Variants in ALG14 observed in about 807,000 individuals in gnomAD.
The protein encoded by ALG14 is UDP-N-acetylglucosamine transferase subunit ALG14.
In ALG14, 17 loss-of-function variants were observed where a neutral mutation model predicts 22.8. The observed-to-expected ratio is 0.75, with a 90% CI of 0.51 to 1.12. The LOEUF (loss-of-function observed/expected upper bound fraction) is 1.12, where lower values mean the gene tolerates loss of function less well. ALG14 is among the 50% of genes most tolerant of loss of function. The pLI is 0.00. For synonymous variants in ALG14, 89 were observed against 103.7 expected (o/e 0.86, Z 0.86); for missense variants, 288 against 271.8 (o/e 1.06, Z -0.42).
intron 2 of ALG14, among the ~76,000 whole-genome samples, chr1:95,040,590 G>A (rs1194965315): frequency 6.6e-6 from 1 of 152,136 alleles, no homozygotes; most frequent in East Asian, 1.9e-4. Flanking sequence ...GGATCTAACA[G>A]CCTCCATTTG....
At chr1:95,064,522 G>A (rs1054286317) in intron 2 of ALG14, among the ~76,000 whole-genome samples, 11 of 152,124 alleles carry the variant, frequency 7.2e-5, no homozygotes, top group African/African-American at 2.7e-4. Flanking sequence ...GGCCTTTTCT[G>A]TGTCTATTGA....
chr1:95,046,584 G>A (rs1402700849), intron 2 of ALG14, among the ~76,000 whole-genome samples: 1 of 152,158 alleles, frequency 6.6e-6, no homozygotes, highest in Non-Finnish European at 1.5e-5. Context: ...AGTGGGCAAG[G>A]GTTGACAAGC....
At chr1:94,995,580 G>T (rs1672889933) in intron 3 of ALG14, among the ~76,000 whole-genome samples, 1 of 152,208 alleles carries the variant, frequency 6.6e-6, no homozygotes, top group Non-Finnish European at 1.5e-5. Flanking sequence ...GAGCGTGGTG[G>T]CACGTGCCTG....
At chr1:95,052,395 G>A (rs1674777525) in intron 2 of ALG14, among the ~76,000 whole-genome samples, 1 of 152,144 alleles carries the variant, frequency 6.6e-6, no homozygotes, top group African/African-American at 2.4e-5. Context: ...ACAATAATAT[G>A]TAAGAGGAGA....
chr1:94,993,296 T>G (rs1672823014), intron 3 of ALG14, among the ~76,000 whole-genome samples: 1 of 146,312 alleles, frequency 6.8e-6, no homozygotes, highest in African/African-American at 2.5e-5. Context: ...TATTTATATA[T>G]ATCAGGCTCC....
intron 1 of ALG14, among the ~76,000 whole-genome samples, chr1:95,068,362 C>T (rs551889559): frequency 3.9e-5 from 6 of 152,272 alleles, no homozygotes; most frequent in South Asian, 4.2e-4. Context: ...TCTCGGCTCA[C>T]GGCAACCTCT....
At chr1:95,024,138 G>A (rs1242220666) in intron 3 of ALG14, among the ~76,000 whole-genome samples, 3 of 152,050 alleles carry the variant, frequency 2.0e-5, no homozygotes, top group Non-Finnish European at 4.4e-5. Flanking sequence ...CATTCGATCC[G>A]GCTAATTTTT....
At chr1:95,069,278 C>T (rs1040874273) in intron 1 of ALG14, among the ~76,000 whole-genome samples, 1 of 152,158 alleles carries the variant, frequency 6.6e-6, no homozygotes, top group East Asian at 1.9e-4. Flanking sequence ...GATTTAGAGG[C>T]AAGCCTGGGT....
intron 2 of ALG14, among the ~76,000 whole-genome samples, chr1:95,050,179 A>C (rs1295749688): frequency 1.3e-5 from 2 of 152,234 alleles, no homozygotes; most frequent in Non-Finnish European, 2.9e-5. Flanking sequence ...ATCTTCTGCC[A>C]AAGCACAAAG....
intron 2 of ALG14, among the ~76,000 whole-genome samples, chr1:95,046,941 T>C (rs1448616131): frequency 1.3e-5 from 2 of 151,996 alleles, no homozygotes; most frequent in African/African-American, 2.4e-5. Flanking sequence ...CACTCCAGCC[T>C]GGGCGACAGA....
chr1:95,056,530 A>G (rs1241961466), intron 2 of ALG14, among the ~76,000 whole-genome samples: 1 of 152,056 alleles, frequency 6.6e-6, no homozygotes, highest in Non-Finnish European at 1.5e-5. Flanking sequence ...CCATAGTCCC[A>G]GTGACTTGGA....
Position 95,013,341 on chromosome 1 carries a change from A to T in ALG14, c.420+13788T>A, listed in dbSNP as rs568001106. On this transcript the variant is annotated intron_variant, in intron 3 of 3. Transcript: ENST00000370205. ...TTCCTGCTCTTGTTTTGATTTATTT[A>T]TTTTTTTTTTTTGAGACAAGAGTCT... 3.5e-3 allele frequency among the ~76,000 whole-genome samples: 508 copies of T among 147,202 alleles called. 1 individual carries two copies. The highest frequency in any genetic ancestry group is 0.012 in the African/African-American group (472 of 40,564).
At chr1:95,022,458 T>A (rs1673691609) in intron 3 of ALG14, 1 of 746,668 alleles carries the variant, frequency 1.3e-6, no homozygotes, top group East Asian at 1.3e-4. Context: ...CTGACCATCA[T>A]CAGACTTGCT....
intron 2 of ALG14, among the ~76,000 whole-genome samples, chr1:95,043,572 C>T (rs1264102200): frequency 1.3e-5 from 2 of 152,132 alleles, no homozygotes; most frequent in Non-Finnish European, 2.9e-5. Flanking sequence ...TGCAGGTCAG[C>T]GGCTAAATGA....
intron 2 of ALG14, among the ~76,000 whole-genome samples, chr1:95,042,768 T>C (rs1342929762): frequency 1.3e-5 from 2 of 152,248 alleles, no homozygotes; most frequent in African/African-American, 2.4e-5. Context: ...GTGACTACAC[T>C]TTCACTGGAC....
At chr1:95,066,272 G>A (rs1346310062) in intron 1 of ALG14, among the ~76,000 whole-genome samples, 1 of 152,086 alleles carries the variant, frequency 6.6e-6, no homozygotes, top group Non-Finnish European at 1.5e-5. Context: ...TGCCCAGGCT[G>A]GAATACAATT....
intron 3 of ALG14, among the ~76,000 whole-genome samples, chr1:95,005,475 T>A (rs1673191651): frequency 6.6e-6 from 1 of 152,188 alleles, no homozygotes; most frequent in Admixed American, 6.5e-5. Context: ...GCTGGATTTG[T>A]ATAATGTTAT....
At chr1:95,059,837 A>G (rs1251974783) in intron 2 of ALG14, among the ~76,000 whole-genome samples, 2 of 152,042 alleles carry the variant, frequency 1.3e-5, no homozygotes, top group African/African-American at 2.4e-5. Context: ...ACACGTAGCC[A>G]CATATGGCTA....
intron 2 of ALG14, among the ~76,000 whole-genome samples, chr1:95,046,508 C>T (rs763748853): frequency 2.0e-5 from 3 of 152,200 alleles, no homozygotes; most frequent in Non-Finnish European, 4.4e-5. Context: ...GTGGAAAAAC[C>T]GTCTTCCATG....
Sources: gnomAD v4.1 joint callset for allele counts (sites outside exome capture counted in the v4.1 genomes callset) on GRCh38, gnomAD v4.1.1 for gene constraint, MANE v1.5 for transcripts, NCBI Gene and HGNC (gene_info 2026-07-23, HGNC 2026-07-21) for gene names.